Variants in WDFY4 observed in about 807,000 individuals in gnomAD.
WDFY4 encodes WDFY family member 4.
In WDFY4, 169 loss-of-function variants were observed where a neutral mutation model predicts 351.9. The observed-to-expected ratio is 0.48, with a 90% confidence interval of 0.42 to 0.55. WDFY4 has a LOEUF of 0.55. WDFY4 is among the 20% of genes least tolerant of loss of function. WDFY4 has a pLI of 0.00. For synonymous variants in WDFY4, 1,622 were observed against 1,574.6 expected (o/e 1.03, Z -0.71); for missense variants, 3,803 against 3,935.6 (o/e 0.97, Z 0.90).
rs1434540322 is a variant in WDFY4, at chr10:48,790,858, T to A, written c.4198T>A (p.Ser1400Thr). Residue 1400 changes from serine (S) to threonine (T), a missense_variant, in exon 23 of 62, where the codon TCG (serine) becomes ACG (threonine). Physicochemically the swap from Ser to Thr is moderately conservative, Grantham distance 58. This residue lies in a region of WDFY4 where 3,054 missense variants were observed against 3,148.6 expected (regional missense o/e 0.97). Transcript: ENST00000325239. ...TMYAAVKVLH[S>T]VLTSNAMCDF... ...GTATGCGGCTGTGAAAGTTCTGCAC[T>A]CGGTCCTGACCAGTAATGCCATGTG... The A allele has an allele frequency of 1.3e-6, 2 of 1,551,662 alleles. No individual in the cohort carries two copies. The highest frequency in any genetic ancestry group is 2.7e-5 in the African/African-American group (2 of 73,052).
At position 48,826,730 on chromosome 10, in the gene WDFY4, A is replaced by G. The variant is rs771334236; in HGVS notation, c.6042A>G (p.Leu2014=). 1 of 1,551,830 alleles carries G rather than the reference A, an allele frequency of 6.4e-7. No individual in the cohort carries two copies. The highest frequency in any genetic ancestry group is 8.7e-7 in the Non-Finnish European group (1 of 1,147,024). Residue 2014 remains leucine, a synonymous_variant, in exon 36 of 62, where the codon TTA becomes TTG. Transcript: ENST00000325239. ...DTVLSTLYSS[L]NKVILYCLSK... Reference sequence around the variant, plus strand: ...TCCTCAGCACTTTATACAGCAGTTTAAATAAAGTCATTCTTTATTGCCTAT... The same window carrying G: ...TCCTCAGCACTTTATACAGCAGTTTGAATAAAGTCATTCTTTATTGCCTAT...
In WDFY4 at chr10:48,742,664, A is replaced by C. The variant is rs1481375228; in HGVS notation, c.1879-304A>C. On this transcript the variant is annotated intron_variant, in intron 11 of 61. Transcript: ENST00000325239. The stretch of plus-strand genomic sequence containing the variant: ...TCAGGGAATGAGAGGGGGATGTGTG[A>C]GCACTCGACCTGGGATGAGTATGAG... Among the ~76,000 whole-genome samples the C allele has an allele frequency of 2.6e-5, 4 of 152,222 alleles. No individual in the cohort carries two copies. The East Asian group carries it at 7.7e-4, about 29-fold the overall frequency.
chr10:48,749,416 A>C lies in WDFY4; in HGVS notation c.2459+5868A>C, dbSNP rs1006375768. Among the ~76,000 whole-genome samples, 3 of 151,852 alleles carry C rather than the reference A, an allele frequency of 2.0e-5. 1 individual carries two copies. The highest frequency in any genetic ancestry group is 6.6e-5 in the Admixed American group (1 of 15,242). ...ATACTGGCATACCACACACCCACAC[A>C]CTGCACTTACACACCACACAGCACC... On this transcript the variant is annotated intron_variant, in intron 12 of 61. Transcript: ENST00000325239.
At chr10:48,726,275 CT>C (rs1326097322) in intron 6 of WDFY4, among the ~76,000 whole-genome samples, 1 of 152,198 alleles carries the variant, frequency 6.6e-6, no homozygotes, top group African/African-American at 2.4e-5. Flanking sequence ...CATGTAAGTG[CT>C]TTTCTTGTTC....
intron 39 of WDFY4, among the ~76,000 whole-genome samples, chr10:48,838,349 T>A (rs528554584): frequency 2.0e-5 from 3 of 152,114 alleles, no homozygotes; most frequent in East Asian, 3.9e-4. Flanking sequence ...GTGGGCAGGG[T>A]GCCTGGGGTC....
intron 20 of WDFY4, among the ~76,000 whole-genome samples, chr10:48,788,022 CCTT>C (rs2066549322): frequency 8.4e-6 from 1 of 118,648 alleles, no homozygotes; most frequent in Non-Finnish European, 1.7e-5. Flanking sequence ...TTCTCCTTCT[CCTT>C]CTCCTTTTCC....
chr10:48,734,377 A>C (rs546938225), intron 10 of WDFY4, among the ~76,000 whole-genome samples: 2 of 152,178 alleles, frequency 1.3e-5, no homozygotes, highest in Non-Finnish European at 2.9e-5. Context: ...AAAGAGTAAC[A>C]TACGGGCAAA....
intron 24 of WDFY4, among the ~76,000 whole-genome samples, chr10:48,800,568 T>A (rs1246882058): frequency 1.3e-5 from 2 of 151,950 alleles, no homozygotes; most frequent in Admixed American, 1.3e-4. Context: ...GGACAGGAAG[T>A]TGTAAGACAG....
rs1449362387 is a variant in WDFY4 at position 48,796,278 on chromosome 10, C to G, written c.4258-20C>G. ...TAATGATGCATTCATGAGGAAACTG[C>G]TTTGTGTTAACCTTTTCAGATAATG... On this transcript the variant is annotated intron_variant, in intron 23 of 61. Coordinates refer to ENST00000325239, the MANE Select transcript of WDFY4 (RefSeq NM_001394531.1). The G allele has an allele frequency of 6.5e-7, 1 of 1,546,188 alleles. No individual in the cohort carries two copies. Among genetic ancestry groups the G allele is most frequent in the Admixed American group, 2.0e-5 (1 of 50,312 alleles).
intron 12 of WDFY4, among the ~76,000 whole-genome samples, chr10:48,751,778 C>T (rs896243455): frequency 6.6e-6 from 1 of 152,168 alleles, no homozygotes; most frequent in African/African-American, 2.4e-5. Context: ...GTCTGTCTGA[C>T]TTCCATATCT....
At chr10:48,979,428 C>T (rs888314392) in intron 60 of WDFY4, among the ~76,000 whole-genome samples, 1 of 152,234 alleles carries the variant, frequency 6.6e-6, no homozygotes, top group Non-Finnish European at 1.5e-5. Context: ...GACTGCACAC[C>T]ATTTTAGTTT....
intron 18 of WDFY4, 127 bp downstream of exon 18, chr10:48,778,959 G>T (rs1055485617): frequency 9.2e-7 from 1 of 1,083,730 alleles, no homozygotes; most frequent in South Asian, 1.6e-5. Context: ...CTTTGAAATT[G>T]CTCCCTTGGG....
intron 7 of WDFY4, among the ~76,000 whole-genome samples, chr10:48,728,690 TG>T (rs2064352551): frequency 6.6e-6 from 1 of 152,272 alleles, no homozygotes; most frequent in African/African-American, 2.4e-5. Flanking sequence ...AATGCCCCTC[TG>T]GGCACATCAC....
rs2063725934 is a variant in WDFY4, at chr10:48,709,929, A to C, written c.197A>C (p.Gln66Pro). 1.9e-6 allele frequency: 3 copies of C among 1,552,274 alleles called. No individual in the cohort carries two copies. Among genetic ancestry groups the C allele is most frequent in the Non-Finnish European group, 2.6e-6 (3 of 1,147,106 alleles). Residue 66 changes from glutamine (Q) to proline (P), a missense_variant, in exon 2 of 62, where the codon CAG becomes CCG. Physicochemically the swap from Gln to Pro is moderately conservative, Grantham distance 76 (BLOSUM62 -1). This residue lies in a region of WDFY4 where 488 missense variants were observed against 456.8 expected (regional missense o/e 1.07). Coordinates refer to ENST00000325239, the MANE Select transcript of WDFY4 (RefSeq NM_001394531.1). ...ACTCACAAGAGCCCCATTGAGCGTC[A>C]GAAGAGCCTGTTGAGTCTTCTCCCC... ...QLTHKSPIERQKSLLSLLPLF... is the reference protein window; with the variant it reads ...QLTHKSPIERPKSLLSLLPLF...
chr10:48,939,567 A>C (rs760349806), intron 47 of WDFY4, among the ~76,000 whole-genome samples: 1 of 152,224 alleles, frequency 6.6e-6, no homozygotes, highest in African/African-American at 2.4e-5. Flanking sequence ...CATCTTATTT[A>C]ATCTAAAACT....
intron 53 of WDFY4, among the ~76,000 whole-genome samples, 177 bp downstream of exon 53, chr10:48,959,990 TG>T (rs1841785684): frequency 6.6e-6 from 1 of 152,218 alleles, no homozygotes; most frequent in South Asian, 2.1e-4. Flanking sequence ...GCTTGAGCTC[TG>T]GGCTGTTTCA....
intron 51 of WDFY4, among the ~76,000 whole-genome samples, chr10:48,956,804 C>T (rs937054645): frequency 2.1e-4 from 32 of 152,158 alleles, no homozygotes; most frequent in African/African-American, 7.5e-4. Context: ...CAGAGCTGGC[C>T]CTCTGCAGTC....
chr10:48,695,840 T>C (rs1045123241), intron 1 of WDFY4, among the ~76,000 whole-genome samples: 4 of 152,164 alleles, frequency 2.6e-5, no homozygotes, highest in South Asian at 2.1e-4. Flanking sequence ...TTTTTGGCAA[T>C]GTGGAAGTAG....
intron 1 of WDFY4, among the ~76,000 whole-genome samples, chr10:48,698,453 C>T (rs1372239318): frequency 6.6e-6 from 1 of 152,166 alleles, no homozygotes; most frequent in Non-Finnish European, 1.5e-5. Flanking sequence ...ATGAAATGCT[C>T]TTTCTGAGCA....
Sources: gnomAD v4.1 joint callset for allele counts (sites outside exome capture counted in the v4.1 genomes callset) on GRCh38, gnomAD v4.1.1 for gene constraint, gnomAD v4.1.1 regional missense constraint, MANE v1.5 for transcripts, NCBI Gene and HGNC (gene_info 2026-07-23, HGNC 2026-07-21) for gene names.